DROSHA: variants seen among roughly 807,000 people sequenced by gnomAD.
DROSHA encodes ribonuclease 3.
In DROSHA, 56 loss-of-function variants were observed where a neutral mutation model predicts 181.9. That is an observed-to-expected ratio of 0.31 (90% CI 0.25 to 0.38). DROSHA has a LOEUF of 0.38. Among genes scored for constraint, DROSHA ranks in the 10% least tolerant of loss-of-function variants. DROSHA has a pLI of 1.00. For synonymous variants in DROSHA, 524 were observed against 591.2 expected, an observed-to-expected ratio of 0.89 and a Z score of 1.65; for missense variants, 1,218 against 1,743.5, an observed-to-expected ratio of 0.70 and a Z score of 5.37.
chr5:31,403,934 CT>C (rs1341371310), intron 35 of DROSHA, among the ~76,000 whole-genome samples: 2 of 152,084 alleles, frequency 1.3e-5, no homozygotes, highest in African/African-American at 2.4e-5. Context: ...ATGGTATAAA[CT>C]TTTTTTGGCG....
intron 23 of DROSHA, among the ~76,000 whole-genome samples, chr5:31,447,012 C>T (rs1019839662): frequency 7.2e-5 from 11 of 152,126 alleles, no homozygotes; most frequent in Non-Finnish European, 1.5e-4. Context: ...TGCACCGCAG[C>T]CTGGGCAGCA....
chr5:31,481,524 T>C (rs1203912762), intron 16 of DROSHA, among the ~76,000 whole-genome samples: 1 of 152,168 alleles, frequency 6.6e-6, no homozygotes, highest in Non-Finnish European at 1.5e-5. Context: ...TCTAATAAGT[T>C]TACTGTTGAA....
intron 34 of DROSHA, among the ~76,000 whole-genome samples, chr5:31,406,087 GT>G (rs1161797851): frequency 2.6e-5 from 4 of 151,950 alleles, no homozygotes; most frequent in Non-Finnish European, 5.9e-5. Flanking sequence ...ATACAGACAG[GT>G]TTCAAATCAT....
At chr5:31,440,078 C>T (rs1172784723) in intron 23 of DROSHA, among the ~76,000 whole-genome samples, 1 of 152,060 alleles carries the variant, frequency 6.6e-6, no homozygotes, top group African/African-American at 2.4e-5. Context: ...TATCAACTAG[C>T]AACTTTCAAG....
At chr5:31,430,431 A>G (rs1238254598) in intron 26 of DROSHA, among the ~76,000 whole-genome samples, 1 of 152,190 alleles carries the variant, frequency 6.6e-6, no homozygotes, top group African/African-American at 2.4e-5. Context: ...GGGACAGCTT[A>G]AGGAAGTAGA....
intron 35 of DROSHA, 53 bp downstream of exon 35, chr5:31,405,624 A>G: frequency 1.4e-6 from 2 of 1,465,968 alleles, no homozygotes; most frequent in Non-Finnish European, 1.8e-6. Context: ...TTTCCTTTCC[A>G]TAAAACACTC....
chr5:31,406,456 C>A (rs1740660724), intron 34 of DROSHA, among the ~76,000 whole-genome samples: 1 of 151,966 alleles, frequency 6.6e-6, no homozygotes, highest in Non-Finnish European at 1.5e-5. Flanking sequence ...TGCCACTGTA[C>A]CCCAGACTAG....
chr5:31,401,846 C>T (rs3805525), intron 35 of DROSHA, among the ~76,000 whole-genome samples: 70,125 of 151,922 alleles, frequency 0.46, 17,890 homozygotes, highest in Non-Finnish European at 0.59. Flanking sequence ...AAAACACAGA[C>T]GTGTGGCTTG....
In DROSHA at chr5:31,511,187, T is replaced by C; in HGVS notation, c.1291-11A>G. 1.2e-6 allele frequency: 2 copies of C among 1,610,764 alleles called. No individual in the cohort carries two copies. Among genetic ancestry groups the C allele is most frequent in the Non-Finnish European group, 1.7e-6 (2 of 1,178,358 alleles). ...CACTGTAGAATCTCCCTTTTAAAAA[T>C]AAAGGATCAATATTAGGAACTATAT... On this transcript the variant is annotated splice_polypyrimidine_tract_variant and intron_variant, in intron 8 of 35. Transcript: ENST00000344624.
chr5:31,446,676 TAA>T (rs35657251), intron 23 of DROSHA, among the ~76,000 whole-genome samples: 17 of 127,968 alleles, frequency 1.3e-4, no homozygotes, highest in Non-Finnish European at 1.5e-4. Context: ...TGTCTCTATT[TAA>T]AAAAAAAAAA....
At chr5:31,459,044 G>A (rs1305586032) in intron 20 of DROSHA, among the ~76,000 whole-genome samples, 2 of 152,152 alleles carry the variant, frequency 1.3e-5, no homozygotes, top group Admixed American at 6.5e-5. Context: ...TAATCACAAT[G>A]TATAGATTTC....
At chr5:31,434,160 T>C (rs143101355) in intron 25 of DROSHA, among the ~76,000 whole-genome samples, 39 of 152,374 alleles carry the variant, frequency 2.6e-4, no homozygotes, top group Admixed American at 6.5e-4. Context: ...TCATTAGTCA[T>C]GGCTTTGTAC....
rs1751775814 is a variant in DROSHA at position 31,486,481 on chromosome 5, T to C, written c.1914+10A>G. On this transcript the variant is annotated intron_variant, in intron 14 of 35. Coordinates refer to ENST00000344624, the MANE Select transcript of DROSHA (RefSeq NM_001382508.1). ...AACTACATCAAACCACACACAATCT[T>C]TTCCCTTACCTCCGGCATCATCTCT... 1 of 1,613,300 alleles carries C rather than the reference T, an allele frequency of 6.2e-7. No homozygotes were observed. Among genetic ancestry groups the C allele is most frequent in the Non-Finnish European group, 8.5e-7 (1 of 1,179,608 alleles).
intron 20 of DROSHA, among the ~76,000 whole-genome samples, chr5:31,455,875 C>G (rs1747598602): frequency 2.0e-5 from 3 of 152,094 alleles, no homozygotes. Flanking sequence ...CTCCTGAGCT[C>G]AGGTGATGCA....
chr5:31,524,225 C>G (rs927415139), intron 5 of DROSHA, among the ~76,000 whole-genome samples: 4 of 152,184 alleles, frequency 2.6e-5, no homozygotes, highest in Non-Finnish European at 5.9e-5. Flanking sequence ...CTTCTGAGCA[C>G]TAATCCCTCT....
chr5:31,405,620 T>G, intron 35 of DROSHA, 57 bp downstream of exon 35: 7 of 1,443,482 alleles, frequency 4.8e-6, no homozygotes, highest in Non-Finnish European at 6.5e-6. Context: ...CTCATTTCCT[T>G]TCCATAAAAC....
chr5:31,500,468 C>T (rs1055533440), intron 11 of DROSHA, among the ~76,000 whole-genome samples: 15 of 152,220 alleles, frequency 9.9e-5, no homozygotes, highest in African/African-American at 3.6e-4. Context: ...AGCAACGGCC[C>T]ACGCTGAGCA....
chr5:31,483,502 T>C, intron 16 of DROSHA, 52 bp downstream of exon 16: 1 of 1,575,222 alleles, frequency 6.3e-7, no homozygotes, highest in Non-Finnish European at 8.7e-7. Context: ...AATGGCAAGC[T>C]TATTTTCAGA....
chr5:31,424,355 A>G, intron 28 of DROSHA, 72 bp downstream of exon 28: 1 of 1,538,776 alleles, frequency 6.5e-7, no homozygotes, highest in Middle Eastern at 1.7e-4. Context: ...GGGGAAGGAA[A>G]AAAAGGCAAA....
Sources: gnomAD v4.1 joint callset for allele counts (sites outside exome capture counted in the v4.1 genomes callset) on GRCh38, gnomAD v4.1.1 for gene constraint, MANE v1.5 for transcripts, NCBI Gene and HGNC (gene_info 2026-07-23, HGNC 2026-07-21) for gene names.